GRM5: variants seen among roughly 807,000 people sequenced by gnomAD.
GRM5 encodes the protein metabotropic glutamate receptor 5.
In GRM5, 19 loss-of-function variants were observed where a neutral mutation model predicts 83.1. The ratio of observed to expected loss-of-function variants is 0.23; its 90% CI spans 0.16 to 0.34. GRM5 has a LOEUF of 0.34. Ranked by LOEUF, GRM5 falls within the 10% of genes least tolerant of loss-of-function variation. The probability of loss-of-function intolerance (pLI) is 1.00; values close to 1 mark genes in which losing one functional copy is unlikely to be tolerated. For missense variants in GRM5, 1,160 were observed against 1,588.3 expected, an observed-to-expected ratio of 0.73 and a Z score of 4.58; for synonymous variants, 675 against 633.6, an observed-to-expected ratio of 1.07 and a Z score of -0.98.
intron 8 of GRM5, among the ~76,000 whole-genome samples, chr11:88,560,129 A>C (rs984971700): frequency 6.6e-6 from 1 of 152,118 alleles, no homozygotes; most frequent in Non-Finnish European, 1.5e-5. Context: ...AGGCTAGCTA[A>C]GGGTGAAGGA....
intron 3 of GRM5, among the ~76,000 whole-genome samples, chr11:88,763,782 A>G (rs1056004287): frequency 3.3e-5 from 5 of 151,840 alleles, no homozygotes; most frequent in Non-Finnish European, 5.9e-5. Flanking sequence ...ATTTGTCACG[A>G]TAAAAAATCA....
rs200248896 is a variant in GRM5, at chr11:88,508,662, C to T, written c.3569G>A (p.Cys1190Tyr). ...PNSPVSESAL[C>Y]IPSSPKYDTL... ...GTCATATTTGGGAGACGACGGGATACAGAGGGCCGACTCGGACACTGGCGA... is the reference window on the plus strand; with the variant it reads ...GTCATATTTGGGAGACGACGGGATATAGAGGGCCGACTCGGACACTGGCGA... The change falls in exon 10 of 10, where the codon TGT (cysteine) becomes TAT (tyrosine). Residue 1190 changes from cysteine to tyrosine, a missense_variant. By Grantham distance (194) the Cys-to-Tyr change is radical. This residue lies in a region of GRM5 where 562 missense variants were observed against 532.4 expected (regional missense o/e 1.06). Coordinates refer to ENST00000305447, the MANE Select transcript of GRM5 (RefSeq NM_001143831.3). The surrounding 1 kb of genome is among the most constrained non-coding windows in gnomAD (Gnocchi z 4.2). 67 of 1,609,358 alleles carry T rather than the reference C, an allele frequency of 4.2e-5. No homozygotes were observed. The highest frequency in any genetic ancestry group is 5.3e-5 in the Non-Finnish European group (63 of 1,178,002).
chr11:88,636,225 G>T (rs1939114991), intron 4 of GRM5, among the ~76,000 whole-genome samples: 1 of 152,148 alleles, frequency 6.6e-6, no homozygotes, highest in Non-Finnish European at 1.5e-5. Context: ...GATTGAAAAA[G>T]ATTCTGCCAG....
At chr11:88,793,819 TG>T (rs1439735085) in intron 3 of GRM5, among the ~76,000 whole-genome samples, 11 of 152,076 alleles carry the variant, frequency 7.2e-5, no homozygotes, top group African/African-American at 2.6e-4. Flanking sequence ...CTGTTTTTTT[TG>T]TTTGTTCGTT....
At chr11:88,643,552 C>T (rs1284467762) in intron 4 of GRM5, among the ~76,000 whole-genome samples, 1 of 152,078 alleles carries the variant, frequency 6.6e-6, no homozygotes, top group African/African-American at 2.4e-5. Context: ...GGAATAATCC[C>T]CAAAAATGTA....
In GRM5 at chr11:88,757,511, C is replaced by A. The variant is rs371858564; in HGVS notation, c.911+92395G>T. 5.6e-4 allele frequency among the ~76,000 whole-genome samples: 85 copies of A among 152,142 alleles called. 1 individual carries two copies. Among genetic ancestry groups the A allele is most frequent in the African/African-American group, 2.0e-3 (83 of 41,532 alleles). ...GAAACTAGTATGGATGACGGTGGAA[C>A]CACCCCTGCCTGCTCTGAGCAGCCA... On this transcript the variant is annotated intron_variant, in intron 3 of 9. Coordinates refer to ENST00000305447, the MANE Select transcript of GRM5 (RefSeq NM_001143831.3).
chr11:89,045,321 C>T (rs1591074377), intron 2 of GRM5, among the ~76,000 whole-genome samples: 1 of 152,052 alleles, frequency 6.6e-6, no homozygotes. Flanking sequence ...AAATATTCCA[C>T]CTCATTTCTT....
intron 8 of GRM5, among the ~76,000 whole-genome samples, chr11:88,529,760 GCA>G (rs1357990957): frequency 6.6e-6 from 1 of 151,916 alleles, no homozygotes; most frequent in Non-Finnish European, 1.5e-5. Flanking sequence ...GAAAAATAGA[GCA>G]CAGTCTCAAG....
At chr11:89,027,967 G>A (rs1941167587) in intron 2 of GRM5, among the ~76,000 whole-genome samples, 1 of 152,086 alleles carries the variant, frequency 6.6e-6, no homozygotes, top group South Asian at 2.1e-4. Flanking sequence ...AATGAATTAG[G>A]CCCCCATTTG....
chr11:88,595,396 T>C (rs1937770599), intron 6 of GRM5, among the ~76,000 whole-genome samples: 1 of 152,130 alleles, frequency 6.6e-6, no homozygotes, highest in African/African-American at 2.4e-5. Flanking sequence ...TTCCTATCCC[T>C]CTCTTCCTCC....
At chr11:88,678,671 A>AT (rs1210154093) in intron 3 of GRM5, among the ~76,000 whole-genome samples, 1 of 152,114 alleles carries the variant, frequency 6.6e-6, no homozygotes, top group Non-Finnish European at 1.5e-5. Flanking sequence ...TTTAAATGAT[A>AT]TTTTTTCATT....
chr11:88,768,556 C>T (rs1470341200), intron 3 of GRM5, among the ~76,000 whole-genome samples: 1 of 151,510 alleles, frequency 6.6e-6, no homozygotes, highest in East Asian at 1.9e-4. Flanking sequence ...AATTTAATAC[C>T]AGTGAACCAT....
At chr11:89,009,922 A>AACAAAC (rs1565333916) in intron 2 of GRM5, among the ~76,000 whole-genome samples, 2 of 138,018 alleles carry the variant, frequency 1.4e-5, no homozygotes, top group African/African-American at 5.4e-5. Flanking sequence ...AAAAAAAAAA[A>AACAAAC]AAAAAAAACA....
chr11:88,676,419 C>G (rs555829298), intron 3 of GRM5, among the ~76,000 whole-genome samples: 73 of 152,108 alleles, frequency 4.8e-4, no homozygotes, highest in African/African-American at 1.8e-3. Context: ...CACCACCACC[C>G]CATACACACT....
At chr11:88,681,244 T>C (rs1040407450) in intron 3 of GRM5, among the ~76,000 whole-genome samples, 3 of 152,156 alleles carry the variant, frequency 2.0e-5, no homozygotes, top group African/African-American at 7.2e-5. Context: ...TATTTCTCTC[T>C]TTCTGTTTAC....
intron 3 of GRM5, among the ~76,000 whole-genome samples, chr11:88,819,893 G>A (rs545234785): frequency 6.6e-6 from 1 of 151,996 alleles, no homozygotes; most frequent in Non-Finnish European, 1.5e-5. Context: ...AAGGAAAGGG[G>A]CTGAACTCAT....
intron 4 of GRM5, among the ~76,000 whole-genome samples, chr11:88,651,977 G>C (rs1055512626): frequency 1.3e-5 from 2 of 151,952 alleles, no homozygotes; most frequent in Admixed American, 6.6e-5. Context: ...TCACTAAATT[G>C]TTTCTGTTTT....
intron 2 of GRM5, among the ~76,000 whole-genome samples, chr11:89,024,142 G>A (rs1481469285): frequency 3.3e-5 from 5 of 151,976 alleles, no homozygotes; most frequent in African/African-American, 1.2e-4. Flanking sequence ...TTTGAACCTG[G>A]GAGGCAGAGG....
At chr11:88,944,538 T>C (rs969104666) in intron 2 of GRM5, among the ~76,000 whole-genome samples, 5 of 151,618 alleles carry the variant, frequency 3.3e-5, no homozygotes, top group African/African-American at 1.2e-4. Context: ...CCTACGTGCC[T>C]TTTTTTTCAA....
Sources: gnomAD v4.1 joint callset for allele counts (sites outside exome capture counted in the v4.1 genomes callset) on GRCh38, gnomAD v4.1.1 for gene constraint, gnomAD v4.1.1 regional missense constraint, Gnocchi (gnomAD v3.1) non-coding constraint, MANE v1.5 for transcripts, NCBI Gene and HGNC (gene_info 2026-07-23, HGNC 2026-07-21) for gene names.